Variants in MYT1 observed in about 807,000 individuals in gnomAD.
MYT1 encodes myelin transcription factor I.
In MYT1, 23 loss-of-function variants were observed where a neutral mutation model predicts 123.0. That is an observed-to-expected ratio of 0.19 (90% CI 0.13 to 0.26). The LOEUF is 0.26. MYT1 is among the 10% of genes least tolerant of loss of function. MYT1 has a pLI of 1.00. For synonymous variants in MYT1, 518 were observed against 575.3 expected, an observed-to-expected ratio of 0.90 and a Z score of 1.43; for missense variants, 1,125 against 1,472.5, an observed-to-expected ratio of 0.76 and a Z score of 3.86.
rs1984692103 is a variant in MYT1, at chr20:64,240,598, T to C, written c.*150T>C. On this transcript the variant is annotated 3_prime_UTR_variant, in exon 23 of 23. Coordinates refer to ENST00000328439, the MANE Select transcript of MYT1 (RefSeq NM_004535.3). ...GTTTATCCAAAGGGATGGCTGGAAATTGGCCGCTCCCACGAGGCTCCCTCC... is the reference window on the plus strand; with the variant it reads ...GTTTATCCAAAGGGATGGCTGGAAACTGGCCGCTCCCACGAGGCTCCCTCC... The C allele has an allele frequency of 8.6e-7, 1 of 1,168,218 alleles. No individual in the cohort carries two copies. The highest frequency in any genetic ancestry group is 1.7e-5 in the South Asian group (1 of 58,896). The allele number at this position is 1,168,218 out of a possible 1,614,324, so 72.4% of individuals were successfully genotyped here. A position where few individuals can be genotyped will look rare whatever the true frequency, so the allele number is the denominator to read the frequency against.
At position 64,231,117 on chromosome 20, in the gene MYT1, C is replaced by T. The variant is rs578106763; in HGVS notation, c.2676-1047C>T. 7.2e-5 allele frequency among the ~76,000 whole-genome samples: 11 copies of T among 152,020 alleles called. No homozygotes were observed. In the South Asian group the frequency reaches 1.7e-3, roughly 23 times the overall value. ...TTCCCTGTATGCCCATGAATCTCCT[C>T]GTAAATGGAGCCATGGTGACCTCTC... On this transcript the variant is annotated intron_variant, in intron 18 of 22. Coordinates refer to ENST00000328439, the MANE Select transcript of MYT1 (RefSeq NM_004535.3). The surrounding 1 kb of genome is among the most constrained non-coding windows in gnomAD (Gnocchi z 6.4).
chr20:64,173,408 G>A (rs1234190307), intron 1 of MYT1, among the ~76,000 whole-genome samples: 2 of 152,118 alleles, frequency 1.3e-5, no homozygotes, highest in Non-Finnish European at 2.9e-5. Flanking sequence ...GATGGTCAGG[G>A]GAGCAGGAGG....
chr20:64,203,728 G>T lies in MYT1; in HGVS notation c.87-1307G>T, dbSNP rs1983394489. On this transcript the variant is annotated intron_variant, in intron 4 of 22. Coordinates refer to ENST00000328439, the MANE Select transcript of MYT1 (RefSeq NM_004535.3). The surrounding 1 kb of genome is among the most constrained non-coding windows in gnomAD (Gnocchi z 5.1). Reference sequence around the variant, plus strand: ...GTTCTCCCAGAGGTAGTCGGGGAGGGTGGCCTGCAAGCCCACTGGGCCCCA... The same window carrying T: ...GTTCTCCCAGAGGTAGTCGGGGAGGTTGGCCTGCAAGCCCACTGGGCCCCA... Among the ~76,000 whole-genome samples the T allele has an allele frequency of 6.6e-6, 1 of 152,240 alleles. No homozygotes were observed. Among genetic ancestry groups the T allele is most frequent in the South Asian group, 2.1e-4 (1 of 4,832 alleles).
intron 16 of MYT1, among the ~76,000 whole-genome samples, chr20:64,226,494 G>C (rs1984172813): frequency 6.6e-6 from 1 of 152,256 alleles, no homozygotes; most frequent in African/African-American, 2.4e-5. Context: ...TTGAGCAGCA[G>C]GTGATCTGGA....
At chr20:64,227,860 G>A (rs1214976319) in intron 17 of MYT1, 28 bp from the exon 18 acceptor site, 1 of 1,607,032 alleles carries the variant, frequency 6.2e-7, no homozygotes, top group East Asian at 2.2e-5. Flanking sequence ...CAGCACTAAG[G>A]TGGCCTTTTT....
At chr20:64,216,819 T>C (rs1020134248) in intron 10 of MYT1, among the ~76,000 whole-genome samples, 2 of 152,214 alleles carry the variant, frequency 1.3e-5, no homozygotes, top group African/African-American at 4.8e-5. Context: ...CATTGATTAT[T>C]TGAGGGTCCT....
chr20:64,234,051 A>C (rs1386366927), intron 19 of MYT1, among the ~76,000 whole-genome samples: 1 of 152,188 alleles, frequency 6.6e-6, no homozygotes, highest in Admixed American at 6.5e-5. Flanking sequence ...GAAGGCCACT[A>C]AAGGAGACTA....
intron 21 of MYT1, among the ~76,000 whole-genome samples, chr20:64,238,436 G>C (rs1449603468): frequency 1.3e-5 from 2 of 152,212 alleles, no homozygotes; most frequent in African/African-American, 4.8e-5. Context: ...TGGCAAACAG[G>C]CTCATGTTGA....
At chr20:64,205,460 G>C in intron 5 of MYT1, 93 bp from the exon 6 acceptor site, 1 of 1,537,174 alleles carries the variant, frequency 6.5e-7, no homozygotes, top group Non-Finnish European at 8.8e-7. Flanking sequence ...GGGGAAGGGA[G>C]GGAGGGAGGA....
At chr20:64,205,274 G>A (rs1983452360) in intron 5 of MYT1, among the ~76,000 whole-genome samples, 177 bp downstream of exon 5, 1 of 140,526 alleles carries the variant, frequency 7.1e-6, no homozygotes, top group Non-Finnish European at 1.6e-5. Context: ...CCATGGGCGT[G>A]CCATGTGGGG....
At chr20:64,215,023 A>G (rs7266156) in intron 10 of MYT1, among the ~76,000 whole-genome samples, 36,619 of 152,106 alleles carry the variant, frequency 0.24, 4,601 homozygotes, top group South Asian at 0.31. Flanking sequence ...TCCCACACAC[A>G]GGCACCTTCA....
chr20:64,212,176 T>G lies in MYT1; in HGVS notation c.1517+38T>G. 3 of 824,508 alleles carry G rather than the reference T, an allele frequency of 3.6e-6. No homozygotes were observed. The highest frequency in any genetic ancestry group is 3.2e-6 in the Non-Finnish European group (2 of 623,034). 51.1% of individuals were successfully genotyped at this position (824,508 alleles called of 1,614,324 possible). A position where few individuals can be genotyped will look rare whatever the true frequency, so the allele number is the denominator to read the frequency against. On this transcript the variant is annotated intron_variant, in intron 9 of 22. Coordinates refer to ENST00000328439, the MANE Select transcript of MYT1 (RefSeq NM_004535.3). The surrounding 1 kb of genome is among the most constrained non-coding windows in gnomAD (Gnocchi z 6.8). ...AGCTGGGCCGTAGTGGGGGCCAGGG[T>G]GGGGGCCGTGGTGGGGGCCAGGGTG... is the stretch of plus-strand genomic sequence containing the variant.
intron 14 of MYT1, 60 bp downstream of exon 14, chr20:64,222,107 A>G: frequency 6.3e-7 from 1 of 1,592,426 alleles, no homozygotes; most frequent in South Asian, 1.1e-5. Flanking sequence ...GGGGAGGAAC[A>G]GGCCCTGGTC....
At position 64,227,439 on chromosome 20, in the gene MYT1, C is replaced by G. The variant is rs1466209851; in HGVS notation, c.2553C>G (p.Gly851=). ...GGTGCCCCACGCCCGGCTGTGACGGCTCTGGCCACATCACAGGGAACTACG... is the reference window on the plus strand; with the variant it reads ...GGTGCCCCACGCCCGGCTGTGACGGGTCTGGCCACATCACAGGGAACTACG... ...DLKCPTPGCD[G]SGHITGNYAS... The change falls in exon 17 of 23, where the codon GGC becomes GGG. Residue 851 remains glycine (G), a synonymous_variant. Coordinates refer to ENST00000328439, the MANE Select transcript of MYT1 (RefSeq NM_004535.3). The G allele has an allele frequency of 6.2e-7, 1 of 1,612,862 alleles. No individual in the cohort carries two copies. Among genetic ancestry groups the G allele is most frequent in the South Asian group, 1.1e-5 (1 of 91,070 alleles).
intron 2 of MYT1, among the ~76,000 whole-genome samples, chr20:64,197,427 C>G (rs1983155763): frequency 6.6e-6 from 1 of 152,238 alleles, no homozygotes; most frequent in Admixed American, 6.5e-5. Flanking sequence ...CCTGCTGCCT[C>G]TCTTCCTTTC....
intron 1 of MYT1, among the ~76,000 whole-genome samples, chr20:64,178,261 G>T (rs139726094): frequency 6.6e-6 from 1 of 152,246 alleles, no homozygotes; most frequent in African/African-American, 2.4e-5. Flanking sequence ...TTGCTGATGC[G>T]ATGCCATCAC....
chr20:64,219,862 C>T lies in MYT1; in HGVS notation c.2121C>T (p.Thr707=), dbSNP rs746089007. ...SPDASQRHSS[T]SAPSSSMTSP... is the part of the protein sequence containing the mutation. ...ACGCCTCCCAGCGCCACAGCAGCAC[C>T]AGCGCCCCCAGCAGCTCCATGACCT... The change falls in exon 13 of 23, where the codon ACC becomes ACT. Residue 707 remains threonine (T), a synonymous_variant. Transcript: ENST00000328439. The T allele has an allele frequency of 6.3e-7, 1 of 1,599,628 alleles. No individual in the cohort carries two copies. The highest frequency in any genetic ancestry group is 1.1e-5 in the South Asian group (1 of 89,256).
At position 64,198,867 on chromosome 20, in the gene MYT1, C is replaced by G; in HGVS notation, c.6C>G (p.Ser2Arg). Reference protein sequence around the residue: MSLENEDKRART... With the variant: MRLENEDKRART... ...TCGTGGTTTTTTGCTTGCAGATGAGCTTAGAAAATGAAGACAAGCGAGCTC... is the reference window on the plus strand; with the variant it reads ...TCGTGGTTTTTTGCTTGCAGATGAGGTTAGAAAATGAAGACAAGCGAGCTC... Residue 2 changes from serine to arginine, a missense_variant, in exon 3 of 23, where the codon AGC (serine) becomes AGG (arginine). By Grantham distance (110) the Ser-to-Arg change is moderately radical. Coordinates refer to ENST00000328439, the MANE Select transcript of MYT1 (RefSeq NM_004535.3). The G allele has an allele frequency of 1.9e-6, 3 of 1,614,166 alleles. No individual in the cohort carries two copies. Among genetic ancestry groups the G allele is most frequent in the Non-Finnish European group, 2.5e-6 (3 of 1,180,024 alleles).
chr20:64,179,026 A>G (rs79519656), intron 1 of MYT1, among the ~76,000 whole-genome samples: 11 of 123,542 alleles, frequency 8.9e-5, no homozygotes, highest in Admixed American at 8.2e-5. Flanking sequence ...TCGGTGAGAT[A>G]CCCTTCAAGG....
Sources: allele counts gnomAD v4.1 joint callset (sites outside exome capture counted in the v4.1 genomes callset), GRCh38; gene constraint gnomAD v4.1.1; non-coding constraint Gnocchi (gnomAD v3.1); transcripts MANE v1.5; gene names NCBI Gene and HGNC (gene_info 2026-07-23, HGNC 2026-07-21).